Variants in HERC2 observed in about 807,000 individuals in gnomAD.
HERC2 encodes the protein HECT and RLD domain containing E3 ubiquitin protein ligase 2.
A neutral mutation model predicts 537.7 loss-of-function variants in HERC2; 102 were observed. The ratio of observed to expected loss-of-function variants is 0.19; its 90% CI spans 0.16 to 0.22. The LOEUF is 0.22. HERC2 is among the 10% of genes least tolerant of loss of function. The probability of loss-of-function intolerance (pLI) is 1.00; values close to 1 mark genes in which losing one functional copy is unlikely to be tolerated. For synonymous variants in HERC2, 2,224 were observed against 2,466.2 expected, an observed-to-expected ratio of 0.90 and a Z score of 2.91; for missense variants, 4,236 against 6,198.2, an observed-to-expected ratio of 0.68 and a Z score of 10.63.
chr15:28,164,921 G>A (rs1893976494), intron 68 of HERC2, among the ~76,000 whole-genome samples: 1 of 152,162 alleles, frequency 6.6e-6, no homozygotes, highest in Non-Finnish European at 1.5e-5. Context: ...TTACTACCAT[G>A]GATGGTTATA....
In HERC2 at chr15:28,201,507, A is replaced by G; in HGVS notation, c.7665T>C (p.Ala2555=). 6.2e-7 allele frequency: 1 copy of G among 1,613,784 alleles called. No individual in the cohort carries two copies. The highest frequency in any genetic ancestry group is 1.7e-5 in the Admixed American group (1 of 60,024). Residue 2555 remains alanine (A), a synonymous_variant, in exon 48 of 93, where the codon GCT becomes GCC. Transcript: ENST00000261609. ...CATAATCATCATTACTCAAGAAATC[A>G]GCTCGTTTTTTGTACGTCTGGCTCT... is the stretch of plus-strand genomic sequence containing the variant. ...VTESQTYKKR[A]DFLSNDDYAV...
At chr15:28,180,420 A>G (rs977915829) in intron 57 of HERC2, among the ~76,000 whole-genome samples, 1 of 152,264 alleles carries the variant, frequency 6.6e-6, no homozygotes, top group Non-Finnish European at 1.5e-5. Context: ...TGTACTACTA[A>G]TATGTATGGT....
chr15:28,229,452 C>T lies in HERC2; in HGVS notation c.5120+8G>A. ...CTTAATTAAGAAAAAAATATGCTAA[C>T]GTTTTACCCTATATCGATTCCCTCA... On this transcript the variant is annotated splice_region_variant and intron_variant, in intron 33 of 92. Coordinates refer to ENST00000261609, the MANE Select transcript of HERC2 (RefSeq NM_004667.6). 4.3e-6 allele frequency: 7 copies of T among 1,613,634 alleles called. No individual in the cohort carries two copies. The highest frequency in any genetic ancestry group is 5.9e-6 in the Non-Finnish European group (7 of 1,179,578).
At chr15:28,247,821 A>G (rs1418693636) in intron 21 of HERC2, among the ~76,000 whole-genome samples, 2 of 152,222 alleles carry the variant, frequency 1.3e-5, no homozygotes, top group Non-Finnish European at 2.9e-5. Flanking sequence ...CTGAAACCTG[A>G]AAGTTTCCAT....
chr15:28,272,518 G>A, intron 8 of HERC2, 132 bp from the exon 9 acceptor site: 1 of 830,042 alleles, frequency 1.2e-6, no homozygotes, highest in South Asian at 1.8e-5. Flanking sequence ...CTAAACTAAA[G>A]CCGTGGTAAT....
At chr15:28,237,767 T>A (rs1370722435) in intron 25 of HERC2, among the ~76,000 whole-genome samples, 2 of 152,330 alleles carry the variant, frequency 1.3e-5, no homozygotes, top group East Asian at 1.9e-4. Context: ...CTGTAAAGAA[T>A]TACACTTCTA....
Position 28,214,750 on chromosome 15 carries a change from T to C in HERC2, c.6263A>G (p.Glu2088Gly), listed in dbSNP as rs1899697611. 1.2e-6 allele frequency: 2 copies of C among 1,611,880 alleles called. No homozygotes were observed. Among genetic ancestry groups the C allele is most frequent in the East Asian group, 2.2e-5 (1 of 44,886 alleles). ...GAGGCATTTCATGTCCCTCGCCCTTTCGGTCTTGTCCCATGATGGAAGGAC... is the reference window on the plus strand; with the variant it reads ...GAGGCATTTCATGTCCCTCGCCCTTCCGGTCTTGTCCCATGATGGAAGGAC... ...QAVLPSWDKT[E>G]RARDMKCLVE... The change falls in exon 40 of 93, where the codon GAA (glutamate) becomes GGA (glycine). Residue 2088 changes from glutamate (E) to glycine (G), a missense_variant. By Grantham distance (98) the Glu-to-Gly change is moderately conservative. This residue lies in a region of HERC2 where 365 missense variants were observed against 468.8 expected (regional missense o/e 0.78). Coordinates refer to ENST00000261609, the MANE Select transcript of HERC2 (RefSeq NM_004667.6).
At chr15:28,149,949 C>T (rs1248779302) in intron 70 of HERC2, among the ~76,000 whole-genome samples, 1 of 135,776 alleles carries the variant, frequency 7.4e-6, no homozygotes, top group African/African-American at 2.7e-5. Flanking sequence ...GTAAAATTAC[C>T]AAAAAACACA....
chr15:28,121,021 A>G (rs921472413), intron 86 of HERC2, among the ~76,000 whole-genome samples: 1 of 152,178 alleles, frequency 6.6e-6, no homozygotes, highest in African/African-American at 2.4e-5. Flanking sequence ...AAATAGACAC[A>G]CACCTCCCAA....
At position 28,202,121 on chromosome 15, in the gene HERC2, A is replaced by G. The variant is rs374716999; in HGVS notation, c.7609T>C (p.Tyr2537His). The G allele has an allele frequency of 1.2e-5, 19 of 1,538,686 alleles. No homozygotes were observed. Among genetic ancestry groups the G allele is most frequent in the Non-Finnish European group, 1.6e-5 (18 of 1,120,122 alleles). The change falls in exon 47 of 93, where the codon TAC (tyrosine) becomes CAC (histidine). Residue 2537 changes from tyrosine to histidine, a missense_variant. Tyr to His is a moderately conservative substitution (Grantham distance 83). Transcript: ENST00000261609. ...ACATGGGAGGCACTGACCATGGAGTAGGCGGCATCATCCACGTCCTCCACC... is the reference window on the plus strand; with the variant it reads ...ACATGGGAGGCACTGACCATGGAGTGGGCGGCATCATCCACGTCCTCCACC... ...EVVEDVDDAA[Y>H]SMSTGAVVTE... is the part of the protein sequence containing the mutation.
intron 92 of HERC2, among the ~76,000 whole-genome samples, 175 bp downstream of exon 92, chr15:28,112,896 C>T (rs994444596): frequency 1.3e-5 from 2 of 152,184 alleles, no homozygotes; most frequent in African/African-American, 4.8e-5. Context: ...ACCCAAAACA[C>T]ATAATCATAA....
chr15:28,143,500 G>T (rs1419539431), intron 74 of HERC2, among the ~76,000 whole-genome samples: 1 of 152,036 alleles, frequency 6.6e-6, no homozygotes, highest in Non-Finnish European at 1.5e-5. Flanking sequence ...AGGCTGGAGT[G>T]TAGTGGCGGG....
chr15:28,114,788 A>G lies in HERC2; in HGVS notation c.13737T>C (p.Phe4579=). Residue 4579 remains phenylalanine (F), a synonymous_variant, in exon 90 of 93, where the codon TTT becomes TTC. Transcript: ENST00000261609. ...IADLSEVDKD[F]IPGLMYIRDN... ...CTCGGATGTACATGAGTCCAGGAATAAAATCCTTATCAACCTTTTAAGGAG... is the reference window on the plus strand; with the variant it reads ...CTCGGATGTACATGAGTCCAGGAATGAAATCCTTATCAACCTTTTAAGGAG... 1 of 1,614,028 alleles carries G rather than the reference A, an allele frequency of 6.2e-7. No homozygotes were observed. The highest frequency in any genetic ancestry group is 8.5e-7 in the Non-Finnish European group (1 of 1,180,008).
At chr15:28,315,835 T>A in intron 2 of HERC2, 6 of 687,674 alleles carry the variant, frequency 8.7e-6, no homozygotes, top group Admixed American at 8.4e-5. Context: ...ACGCTGGGGA[T>A]GCTGGTACAA....
At position 28,307,145 on chromosome 15, in the gene HERC2, T is replaced by C. The variant is rs756235802; in HGVS notation, c.73-7629A>G. ...CCACCACGCCCGGCCTGCAAACTTA[T>C]CTATTTCTTCCACGTTTCCCAATTT... is the stretch of plus-strand genomic sequence containing the variant. On this transcript the variant is annotated intron_variant, in intron 2 of 92. Coordinates refer to ENST00000261609, the MANE Select transcript of HERC2 (RefSeq NM_004667.6). Among the ~76,000 whole-genome samples, 212 of 152,322 alleles carry C rather than the reference T, an allele frequency of 1.4e-3. 2 individuals are homozygous for C. Among genetic ancestry groups the C allele is most frequent in the South Asian group, 2.3e-3 (11 of 4,824 alleles).
chr15:28,209,511 T>G (rs1394159416), intron 44 of HERC2, among the ~76,000 whole-genome samples: 1 of 151,932 alleles, frequency 6.6e-6, no homozygotes, highest in Non-Finnish European at 1.5e-5. Context: ...GCCCAGCTAA[T>G]TTTTTGTATT....
chr15:28,274,501 G>A (rs2141012437), intron 6 of HERC2, 54 bp from the exon 7 acceptor site: 1 of 1,532,356 alleles, frequency 6.5e-7, no homozygotes, highest in South Asian at 1.2e-5. Context: ...CTCTCCCGCT[G>A]GGCTTCCCAC....
intron 9 of HERC2, among the ~76,000 whole-genome samples, chr15:28,271,389 A>G (rs1269223634): frequency 6.6e-6 from 1 of 152,242 alleles, no homozygotes; most frequent in Non-Finnish European, 1.5e-5. Flanking sequence ...TAGGCTGGGC[A>G]TGGTGGCTCA....
At chr15:28,225,459 G>A (rs1024980010) in intron 35 of HERC2, among the ~76,000 whole-genome samples, 6 of 151,938 alleles carry the variant, frequency 3.9e-5, no homozygotes, top group African/African-American at 1.2e-4. Context: ...GCACTTTGGG[G>A]AGCTGAGGTG....
Sources: allele counts gnomAD v4.1 joint callset (sites outside exome capture counted in the v4.1 genomes callset), GRCh38; gene constraint gnomAD v4.1.1; regional missense constraint gnomAD v4.1.1; transcripts MANE v1.5; gene names NCBI Gene and HGNC (gene_info 2026-07-23, HGNC 2026-07-21).